CFAP119: variants seen among roughly 807,000 people sequenced by gnomAD.
CFAP119 encodes cilia and flagella associated protein 119.
the CFAP119 span, chr16:30,761,341 G>A: frequency 1.3e-4 from 202 of 1,513,080 alleles, no homozygotes; most frequent in Non-Finnish European, 1.8e-4. Context: ...AAGGACTAAG[G>A]AGAGGCGCGG....
At chr16:30,759,440 C>T in the CFAP119 span, 20 of 1,614,180 alleles carry the variant, frequency 1.2e-5, no homozygotes, top group Admixed American at 3.3e-5. Flanking sequence ...TTGAAGAGGT[C>T]GATGCTGAAA....
chr16:30,757,470 TG>T, the CFAP119 span: 2 of 1,611,336 alleles, frequency 1.2e-6, no homozygotes, highest in Non-Finnish European at 1.7e-6. Context: ...GGGAAAATGT[TG>T]GGGGTCACTT....
the CFAP119 span, chr16:30,759,198 A>G: frequency 6.2e-7 from 1 of 1,614,116 alleles, no homozygotes; most frequent in Non-Finnish European, 8.5e-7. Flanking sequence ...CTCTGGCCAC[A>G]GTTTGGGTGG....
chr16:30,761,476 G>C, the CFAP119 span: 2 of 1,525,790 alleles, frequency 1.3e-6, no homozygotes, highest in South Asian at 2.4e-5. Context: ...TAAGCATAAT[G>C]ACAGGTGGCG....
At chr16:30,760,597 A>G in the CFAP119 span, 3 of 1,559,650 alleles carry the variant, frequency 1.9e-6, no homozygotes, top group African/African-American at 1.4e-5. Flanking sequence ...CGCCCCCCTC[A>G]GTCCCTACTC....
chr16:30,759,364 T>C, the CFAP119 span: 1 of 1,614,220 alleles, frequency 6.2e-7, no homozygotes. Context: ...GACGTATTTA[T>C]AGAGCTTGAA....
the CFAP119 span, chr16:30,761,482 T>C: frequency 2.0e-6 from 3 of 1,529,172 alleles, no homozygotes; most frequent in African/African-American, 2.7e-5. Context: ...TAATGACAGG[T>C]GGCGCCTGCG....
the CFAP119 span, chr16:30,759,612 T>A: frequency 6.2e-7 from 1 of 1,614,080 alleles, no homozygotes. Flanking sequence ...AGACCTTGTC[T>A]GGGGATGGGT....
the CFAP119 span, chr16:30,758,874 T>C: frequency 1.4e-6 from 2 of 1,419,768 alleles, no homozygotes; most frequent in East Asian, 2.3e-5. Flanking sequence ...ATCTGTCATC[T>C]TGGACTTCTG....
the CFAP119 span, chr16:30,757,782 C>T: frequency 7.0e-7 from 1 of 1,432,706 alleles, no homozygotes; most frequent in African/African-American, 1.4e-5. Flanking sequence ...AATGTTGTTT[C>T]CCTTTAGGAA....
At chr16:30,762,001 C>A in the CFAP119 span, 1 of 537,172 alleles carries the variant, frequency 1.9e-6, no homozygotes, top group Non-Finnish European at 3.3e-6. Flanking sequence ...GAAGAGAACG[C>A]GCAGATACGT....
At chr16:30,759,828 C>T in the CFAP119 span, 3 of 1,496,598 alleles carry the variant, frequency 2.0e-6, no homozygotes, top group Admixed American at 7.5e-5. Context: ...GCAGACAGAT[C>T]TGGGTTTCAG....
chr16:30,760,580 C>CT, the CFAP119 span: 1 of 1,565,004 alleles, frequency 6.4e-7, no homozygotes, highest in Non-Finnish European at 8.7e-7. Flanking sequence ...GCCAAGAGCT[C>CT]TTCCCACGCC....
chr16:30,758,756 T>G, the CFAP119 span: 1 of 531,924 alleles, frequency 1.9e-6, no homozygotes, highest in East Asian at 3.5e-5. Context: ...GGTTTCACGG[T>G]GTTGCCCAGG....
At chr16:30,761,191 C>T in the CFAP119 span, 1 of 1,613,826 alleles carries the variant, frequency 6.2e-7, no homozygotes, top group Non-Finnish European at 8.5e-7. Flanking sequence ...TGTCTCTTCA[C>T]ACTCACCACA....
chr16:30,758,014 G>A, the CFAP119 span: 2 of 216,842 alleles, frequency 9.2e-6, no homozygotes, highest in Non-Finnish European at 1.8e-5. Context: ...TTAGAGCAGG[G>A]CATGCACTGC....
chr16:30,760,459 G>A, the CFAP119 span: 1 of 1,613,876 alleles, frequency 6.2e-7, no homozygotes, highest in Non-Finnish European at 8.5e-7. Flanking sequence ...GCACCCTTGG[G>A]AGGGAGAGAG....
chr16:30,759,263 G>C, the CFAP119 span: 1 of 1,614,134 alleles, frequency 6.2e-7, no homozygotes, highest in Non-Finnish European at 8.5e-7. Flanking sequence ...AAGCAAGGCA[G>C]AGGGAGGCTG....
At chr16:30,760,055 A>G in the CFAP119 span, 1 of 1,526,772 alleles carries the variant, frequency 6.5e-7, no homozygotes, top group African/African-American at 1.4e-5. Context: ...CACTATGCAT[A>G]TATTTGCATA....
Sources: allele counts gnomAD v4.1 joint callset, GRCh38; gene constraint gnomAD v4.1.1; transcripts MANE v1.5; gene names NCBI Gene and HGNC (gene_info 2026-07-23, HGNC 2026-07-21).